Variants in FAM107B observed in about 807,000 individuals in gnomAD.
The protein encoded by FAM107B is protein FAM107B.
A neutral mutation model predicts 31.5 loss-of-function variants in FAM107B; 21 were observed. The ratio of observed to expected loss-of-function variants is 0.67; its 90% CI spans 0.47 to 0.96. The LOEUF (loss-of-function observed/expected upper bound fraction) is 0.96. Among genes scored for constraint, FAM107B ranks in the 40% least tolerant of loss-of-function variants. FAM107B has a pLI of 0.00. For synonymous variants in FAM107B, 157 were observed against 141.5 expected (o/e 1.11, Z -0.78); for missense variants, 452 against 377.1 (o/e 1.20, Z -1.64).
At chr10:14,522,926 T>C (rs548579222) in intron 3 of FAM107B, among the ~76,000 whole-genome samples, 2 of 152,158 alleles carry the variant, frequency 1.3e-5, no homozygotes, top group East Asian at 3.9e-4. Flanking sequence ...ACCGAAACCC[T>C]TTCAGATGTG....
At chr10:14,571,893 C>A in intron 2 of FAM107B, 1 of 985,390 alleles carries the variant, frequency 1.0e-6, no homozygotes, top group South Asian at 4.7e-5. Context: ...GCCTAAGTGA[C>A]GAACGGTTAC....
rs572318376 is a variant in FAM107B at position 14,634,344 on chromosome 10, G to C, written c.469+33290C>G. Among the ~76,000 whole-genome samples the C allele has an allele frequency of 2.0e-5, 3 of 150,760 alleles. No homozygotes were observed. In the South Asian group the frequency reaches 6.3e-4, roughly 32 times the overall value. Reference sequence around the variant, plus strand: ...AAACCCAGGAGGCTGGGGTTGCAGTGAGCCAAGAGCATGCCACTGCACTCC... The same window carrying C: ...AAACCCAGGAGGCTGGGGTTGCAGTCAGCCAAGAGCATGCCACTGCACTCC... On this transcript the variant is annotated intron_variant, in intron 2 of 4. Transcript: ENST00000181796.
chr10:14,641,277 A>T (rs1853620971), intron 2 of FAM107B, among the ~76,000 whole-genome samples: 1 of 152,164 alleles, frequency 6.6e-6, no homozygotes, highest in Non-Finnish European at 1.5e-5. Context: ...AAATGGATAA[A>T]ATGTATTTTG....
At chr10:14,636,453 A>T (rs1176180276) in intron 2 of FAM107B, among the ~76,000 whole-genome samples, 1 of 152,166 alleles carries the variant, frequency 6.6e-6, no homozygotes, top group Non-Finnish European at 1.5e-5. Flanking sequence ...TAATAACTCA[A>T]CGTAATGATG....
intron 3 of FAM107B, among the ~76,000 whole-genome samples, chr10:14,526,981 G>A (rs1470451676): frequency 6.6e-6 from 1 of 151,952 alleles, no homozygotes; most frequent in Admixed American, 6.6e-5. Flanking sequence ...GGGACTACAG[G>A]TGCCCACCAA....
intron 4 of FAM107B, 40 bp from the exon 5 acceptor site, chr10:14,521,346 A>C (rs1354644079): frequency 6.5e-7 from 1 of 1,537,068 alleles, no homozygotes; most frequent in Admixed American, 1.7e-5. Flanking sequence ...TTTACAAACC[A>C]AGCAGCCTTT....
intron 2 of FAM107B, among the ~76,000 whole-genome samples, chr10:14,545,109 T>A (rs1051317044): frequency 6.6e-6 from 1 of 152,186 alleles, no homozygotes; most frequent in Non-Finnish European, 1.5e-5. Context: ...ACATTAAATT[T>A]ATTCCATCAT....
At chr10:14,657,520 C>G (rs1854094357) in intron 2 of FAM107B, among the ~76,000 whole-genome samples, 1 of 152,174 alleles carries the variant, frequency 6.6e-6, no homozygotes, top group Non-Finnish European at 1.5e-5. Context: ...CACCCCCACC[C>G]CTGGTCACCA....
chr10:14,635,539 G>A (rs1407805400), intron 2 of FAM107B, among the ~76,000 whole-genome samples: 2 of 152,146 alleles, frequency 1.3e-5, no homozygotes, highest in East Asian at 3.8e-4. Flanking sequence ...ACGAAGTTCT[G>A]CTCTACTCAA....
intron 2 of FAM107B, among the ~76,000 whole-genome samples, chr10:14,590,867 T>C (rs1246110539): frequency 6.6e-6 from 1 of 150,598 alleles, no homozygotes; most frequent in Non-Finnish European, 1.5e-5. Flanking sequence ...CACGTGCCTG[T>C]AATCCCAGCT....
intron 2 of FAM107B, among the ~76,000 whole-genome samples, chr10:14,622,328 G>A (rs1326084434): frequency 7.3e-6 from 1 of 137,772 alleles, no homozygotes. Context: ...TTTTTTTTGA[G>A]ATGGAGTCTC....
intron 2 of FAM107B, among the ~76,000 whole-genome samples, chr10:14,581,628 C>T (rs1283998675): frequency 2.6e-5 from 4 of 152,332 alleles, no homozygotes; most frequent in East Asian, 3.9e-4. Context: ...CAGCCAGGCG[C>T]GGTGGCTCAT....
intron 1 of FAM107B, among the ~76,000 whole-genome samples, chr10:14,706,634 T>C (rs1855526464): frequency 6.6e-6 from 1 of 152,216 alleles, no homozygotes; most frequent in African/African-American, 2.4e-5. Flanking sequence ...ATCTGCTGAA[T>C]ATGTATGACT....
At chr10:14,527,634 T>C (rs1490650512) in intron 3 of FAM107B, among the ~76,000 whole-genome samples, 1 of 152,238 alleles carries the variant, frequency 6.6e-6, no homozygotes, top group Admixed American at 6.5e-5. Flanking sequence ...GAGGGTAACC[T>C]GAAGATAACA....
Position 14,739,570 on chromosome 10 carries a change from GGCCTGACCAATTATCATCAGT to G in FAM107B, c.411+34662_411+34682del, listed in dbSNP as rs570171955. Reference sequence around the variant, plus strand: ...TTTTACTCCTGGAATGTGTGACTTGGGCCTGACCAATTATCATCAGTGCCTGGCATATAGTAAGTGTTCATG... The same window carrying G: ...TTTTACTCCTGGAATGTGTGACTTGGGCCTGGCATATAGTAAGTGTTCATG... On this transcript the variant is annotated intron_variant, in intron 1 of 4. Coordinates refer to ENST00000181796, the MANE Select transcript of FAM107B (RefSeq NM_031453.4). Among the ~76,000 whole-genome samples the G allele has an allele frequency of 2.5e-3, 386 of 152,204 alleles. 2 individuals are homozygous for G. Among genetic ancestry groups the G allele is most frequent in the African/African-American group, 8.5e-3 (351 of 41,500 alleles).
chr10:14,745,435 T>TTTAGTTCTATAAATTTCTCTCTTA (rs1331271066), intron 1 of FAM107B, among the ~76,000 whole-genome samples: 1 of 152,188 alleles, frequency 6.6e-6, no homozygotes, highest in East Asian at 1.9e-4. Flanking sequence ...GATGTAGGCA[T>TTTAGTTCTATAAATTTCTCTCTTA]TTAGTTCTAT....
intron 2 of FAM107B, among the ~76,000 whole-genome samples, chr10:14,611,501 T>C (rs1852725045): frequency 2.5e-5 from 1 of 39,922 alleles, no homozygotes; most frequent in African/African-American, 7.4e-5. Context: ...TATATATATA[T>C]ATATATATAT....
chr10:14,568,844 T>G, intron 2 of FAM107B, among the ~76,000 whole-genome samples: 1 of 147,494 alleles, frequency 6.8e-6, no homozygotes. Flanking sequence ...CCCAGGAACC[T>G]GGAAGGAGGG....
intron 1 of FAM107B, among the ~76,000 whole-genome samples, chr10:14,757,826 AGAAG>A (rs1375134241): frequency 6.6e-6 from 1 of 152,208 alleles, no homozygotes; most frequent in Non-Finnish European, 1.5e-5. Context: ...TCCATTCTAG[AGAAG>A]GAAGGATAAA....
Sources: allele counts gnomAD v4.1 joint callset (sites outside exome capture counted in the v4.1 genomes callset), GRCh38; gene constraint gnomAD v4.1.1; transcripts MANE v1.5; gene names NCBI Gene and HGNC (gene_info 2026-07-23, HGNC 2026-07-21).